The following GRM7 variants were observed in gnomAD, a reference collection of about 807,000 sequenced individuals.
The protein encoded by GRM7 is glutamate metabotropic receptor 7.
A neutral mutation model predicts 84.5 loss-of-function variants in GRM7; 35 were observed. That is an observed-to-expected ratio of 0.41 (90% CI 0.32 to 0.55). GRM7 has a LOEUF of 0.55. Ranked by LOEUF, GRM7 falls within the 20% of genes least tolerant of loss-of-function variation. GRM7 has a pLI of 0.19. For missense variants in GRM7, 1,003 were observed against 1,194.6 expected (o/e 0.84, Z 2.36); for synonymous variants, 487 against 455.1 (o/e 1.07, Z -0.89).
chr3:7,640,422 A>G (rs1698312351), intron 8 of GRM7, among the ~76,000 whole-genome samples: 1 of 152,210 alleles, frequency 6.6e-6, no homozygotes, highest in African/African-American at 2.4e-5. Context: ...CTGCATTTTG[A>G]CATGCCCACA....
Position 7,153,049 on chromosome 3 carries a change from C to T in GRM7, c.736+6381C>T, listed in dbSNP as rs1448722091. Among the ~76,000 whole-genome samples the T allele has an allele frequency of 2.6e-5, 4 of 151,756 alleles. No homozygotes were observed. The East Asian group carries it at 7.8e-4, about 29-fold the overall frequency. Reference sequence around the variant, plus strand: ...TGTCACAGATAGATGTGGTATCCAGCATCAGCTGGGTGCAGTAGAACAATC... The same window carrying T: ...TGTCACAGATAGATGTGGTATCCAGTATCAGCTGGGTGCAGTAGAACAATC... On this transcript the variant is annotated intron_variant, in intron 2 of 9. Transcript: ENST00000357716.
intron 8 of GRM7, among the ~76,000 whole-genome samples, chr3:7,587,353 A>G (rs1019859275): frequency 5.9e-5 from 9 of 152,298 alleles, no homozygotes; most frequent in Middle Eastern, 3.4e-3. Context: ...CACATGGTAA[A>G]TGCTCAGTAA....
intron 4 of GRM7, among the ~76,000 whole-genome samples, chr3:7,370,214 T>C (rs1694074162): frequency 6.6e-6 from 1 of 152,194 alleles, no homozygotes; most frequent in South Asian, 2.1e-4. Context: ...TTTTTTTTAC[T>C]ACAAACTAGT....
At chr3:7,277,108 A>G (rs1411510176) in intron 2 of GRM7, among the ~76,000 whole-genome samples, 1 of 151,870 alleles carries the variant, frequency 6.6e-6, no homozygotes, top group Non-Finnish European at 1.5e-5. Flanking sequence ...AGCATGGAAG[A>G]ATTTGGAGAT....
intron 1 of GRM7, among the ~76,000 whole-genome samples, chr3:6,865,018 T>C (rs961498120): frequency 2.0e-4 from 31 of 152,344 alleles, no homozygotes; most frequent in Admixed American, 1.2e-3. Flanking sequence ...ACAGGAATCA[T>C]ATTCAGTGGG....
intron 1 of GRM7, among the ~76,000 whole-genome samples, chr3:7,087,296 T>C (rs1698491995): frequency 6.6e-6 from 1 of 152,178 alleles, no homozygotes; most frequent in Admixed American, 6.5e-5. Flanking sequence ...AATTACATTA[T>C]AGTACTTAAA....
intron 1 of GRM7, among the ~76,000 whole-genome samples, chr3:6,956,902 A>T (rs1295079170): frequency 6.6e-6 from 1 of 152,244 alleles, no homozygotes; most frequent in Non-Finnish European, 1.5e-5. Context: ...TAGGCTAAAC[A>T]AATATAAACT....
chr3:7,630,039 T>G (rs1043990983), intron 8 of GRM7, among the ~76,000 whole-genome samples: 3 of 152,242 alleles, frequency 2.0e-5, no homozygotes, highest in African/African-American at 7.2e-5. Context: ...GAGGTGGTAT[T>G]TAAAGCAAGT....
intron 7 of GRM7, among the ~76,000 whole-genome samples, chr3:7,537,944 C>T (rs1426147820): frequency 6.6e-6 from 1 of 152,168 alleles, no homozygotes; most frequent in Non-Finnish European, 1.5e-5. Context: ...TGTTTCCCCG[C>T]TCCCCACCAG....
At chr3:7,028,322 A>C (rs943193952) in intron 1 of GRM7, among the ~76,000 whole-genome samples, 1 of 152,238 alleles carries the variant, frequency 6.6e-6, no homozygotes, top group Non-Finnish European at 1.5e-5. Flanking sequence ...ACATTTAACT[A>C]AACCCATTAA....
chr3:7,128,873 A>C (rs1283902845), intron 1 of GRM7, among the ~76,000 whole-genome samples: 2 of 152,076 alleles, frequency 1.3e-5, no homozygotes, highest in African/African-American at 2.4e-5. Flanking sequence ...ATGGAGAAAC[A>C]TTATGGCAGA....
intron 9 of GRM7, among the ~76,000 whole-genome samples, chr3:7,714,708 G>C (rs928727873): frequency 1.3e-5 from 2 of 152,116 alleles, no homozygotes; most frequent in Admixed American, 6.6e-5. Flanking sequence ...CCAGCCAAGA[G>C]CCCACCAGCA....
chr3:7,216,852 A>C (rs1222087237), intron 2 of GRM7, among the ~76,000 whole-genome samples: 1 of 152,206 alleles, frequency 6.6e-6, no homozygotes, highest in Non-Finnish European at 1.5e-5. Context: ...TGTTGGATAT[A>C]CATTAAATTC....
chr3:7,194,504 CT>C (rs1305845082), intron 2 of GRM7, among the ~76,000 whole-genome samples: 1 of 152,264 alleles, frequency 6.6e-6, no homozygotes, highest in East Asian at 1.9e-4. Flanking sequence ...AAATCCTTGT[CT>C]CCCCCTTATT....
At chr3:6,971,706 T>C (rs959956766) in intron 1 of GRM7, among the ~76,000 whole-genome samples, 3 of 152,214 alleles carry the variant, frequency 2.0e-5, no homozygotes, top group African/African-American at 4.8e-5. Flanking sequence ...TTTTCCTTTT[T>C]TTCTTCCTGT....
At chr3:7,689,607 T>C (rs1700721259) in intron 9 of GRM7, among the ~76,000 whole-genome samples, 1 of 152,216 alleles carries the variant, frequency 6.6e-6, no homozygotes, top group Non-Finnish European at 1.5e-5. Flanking sequence ...GCCGTCTTGG[T>C]TCTGCAACTG....
chr3:7,489,308 C>G (rs543639924), intron 7 of GRM7, among the ~76,000 whole-genome samples: 33 of 152,274 alleles, frequency 2.2e-4, no homozygotes, highest in South Asian at 1.2e-3. Flanking sequence ...TCCTCCCCCT[C>G]CACTGATATC....
At position 7,504,825 on chromosome 3, in the gene GRM7, A is replaced by C. The variant is rs925038382; in HGVS notation, c.1515+43103A>C. Among the ~76,000 whole-genome samples the C allele has an allele frequency of 3.9e-5, 6 of 152,182 alleles. 1 individual carries two copies. The East Asian group carries it at 1.2e-3, about 29-fold the overall frequency. ...CCATAGCATTCTGTCTCTAGCCCCC[A>C]AAATTAATGTCCTTCTTACATGCAA... On this transcript the variant is annotated intron_variant, in intron 7 of 9. Transcript: ENST00000357716.
chr3:7,252,464 G>A (rs1290455077), intron 2 of GRM7, among the ~76,000 whole-genome samples: 4 of 152,056 alleles, frequency 2.6e-5, no homozygotes, highest in Non-Finnish European at 4.4e-5. Flanking sequence ...TGATGCTCAC[G>A]GTCCTTTGAG....
Sources: allele counts gnomAD v4.1 joint callset (sites outside exome capture counted in the v4.1 genomes callset), GRCh38; gene constraint gnomAD v4.1.1; transcripts MANE v1.5; gene names NCBI Gene and HGNC (gene_info 2026-07-23, HGNC 2026-07-21).